Variants in TGFA observed in about 807,000 individuals in gnomAD.
The protein encoded by TGFA is protransforming growth factor alpha.
In TGFA, 12 loss-of-function variants were observed where a neutral mutation model predicts 21.7. That is an observed-to-expected ratio of 0.55 (90% CI 0.35 to 0.90). The LOEUF (loss-of-function observed/expected upper bound fraction) is 0.90, where lower values mean the gene tolerates loss of function less well. Ranked by LOEUF, TGFA falls within the 40% of genes least tolerant of loss-of-function variation. The probability of loss-of-function intolerance (pLI) is 0.01; values close to 1 mark genes in which losing one functional copy is unlikely to be tolerated. For missense variants in TGFA, 178 were observed against 210.8 expected (o/e 0.84, Z 0.96); for synonymous variants, 79 against 88.1 (o/e 0.90, Z 0.58).
At chr2:70,523,906 T>A (rs781921443) in intron 1 of TGFA, among the ~76,000 whole-genome samples, 5 of 152,198 alleles carry the variant, frequency 3.3e-5, no homozygotes, top group Admixed American at 1.3e-4. Flanking sequence ...TGCAGCTATG[T>A]TAACAGAGAA....
intron 3 of TGFA, among the ~76,000 whole-genome samples, chr2:70,462,982 A>T (rs1553491652): frequency 1.3e-5 from 2 of 152,036 alleles, no homozygotes; most frequent in South Asian, 4.2e-4. Flanking sequence ...TGCAGGGGGA[A>T]AATGCCTGGA....
chr2:70,521,543 T>C (rs576264495), intron 1 of TGFA, among the ~76,000 whole-genome samples: 6 of 151,836 alleles, frequency 4.0e-5, no homozygotes, highest in Non-Finnish European at 7.4e-5. Flanking sequence ...ATGTGGTATA[T>C]TGAGTGACAC....
intron 2 of TGFA, among the ~76,000 whole-genome samples, chr2:70,497,478 G>A (rs1553498517): frequency 6.6e-6 from 1 of 152,160 alleles, no homozygotes; most frequent in African/African-American, 2.4e-5. Flanking sequence ...ATAATGAAAA[G>A]CACTTTCTTC....
At position 70,553,741 on chromosome 2, in the gene TGFA, G is replaced by A; in HGVS notation, c.27C>T (p.Ala9=). 7.6e-7 allele frequency: 1 copy of A among 1,323,500 alleles called. No homozygotes were observed. The highest frequency in any genetic ancestry group is 9.7e-7 in the Non-Finnish European group (1 of 1,031,504). The allele number at this position is 1,323,500 out of a possible 1,614,324, so 82.0% of individuals were successfully genotyped here. The change falls in exon 1 of 6, where the codon GCC becomes GCT. Residue 9 remains alanine, a synonymous_variant. Coordinates refer to ENST00000295400, the MANE Select transcript of TGFA (RefSeq NM_003236.4). ...CGGCGTACGTACCCAGAGCGAACAGGGCGAGCTGTCCAGCCGAGGGGACCA... is the reference window on the plus strand; with the variant it reads ...CGGCGTACGTACCCAGAGCGAACAGAGCGAGCTGTCCAGCCGAGGGGACCA... The part of the protein sequence containing the change: MVPSAGQL[A]LFALGIVLAA...
At chr2:70,521,748 G>A (rs1231952697) in intron 1 of TGFA, among the ~76,000 whole-genome samples, 1 of 150,722 alleles carries the variant, frequency 6.6e-6, no homozygotes, top group African/African-American at 2.4e-5. Context: ...CCGAGTAGCT[G>A]GGACCACAGG....
chr2:70,528,690 T>C (rs1315135196), intron 1 of TGFA, among the ~76,000 whole-genome samples: 1 of 152,230 alleles, frequency 6.6e-6, no homozygotes, highest in Non-Finnish European at 1.5e-5. Flanking sequence ...TTAGGCGCTC[T>C]GGCTCTCAGC....
chr2:70,523,063 A>G (rs370077931), intron 1 of TGFA, among the ~76,000 whole-genome samples: 1 of 152,356 alleles, frequency 6.6e-6, no homozygotes, highest in Admixed American at 6.5e-5. Flanking sequence ...TGAAAAATCC[A>G]TGAGGAATGA....
chr2:70,453,018 G>C (rs1234849404), intron 5 of TGFA, among the ~76,000 whole-genome samples, 200 bp downstream of exon 5: 1 of 152,202 alleles, frequency 6.6e-6, no homozygotes. Flanking sequence ...AGGTCCCACA[G>C]CCACCAGCCA....
intron 1 of TGFA, among the ~76,000 whole-genome samples, chr2:70,547,401 C>T (rs1359679971): frequency 2.0e-5 from 3 of 151,974 alleles, no homozygotes; most frequent in Non-Finnish European, 2.9e-5. Context: ...CAAGACCAGC[C>T]TGGCCAACAA....
chr2:70,514,757 C>G, intron 2 of TGFA, 102 bp downstream of exon 2: 1 of 1,256,296 alleles, frequency 8.0e-7, no homozygotes, highest in Non-Finnish European at 1.1e-6. Context: ...GGCGTGTGCT[C>G]GGTGGGCAGG....
intron 2 of TGFA, among the ~76,000 whole-genome samples, chr2:70,504,469 C>CATATATATATATATATATATATATAT (rs1230209696): frequency 1.1e-4 from 9 of 80,646 alleles, no homozygotes; most frequent in Non-Finnish European, 1.6e-4. Context: ...TATATACACA[C>CATATATATATATATATATATATATAT]ATACATACAT....
At chr2:70,475,265 T>C (rs1190400562) in intron 2 of TGFA, among the ~76,000 whole-genome samples, 2 of 152,198 alleles carry the variant, frequency 1.3e-5, no homozygotes, top group East Asian at 3.8e-4. Context: ...GCAGCTACTA[T>C]TGGATTGTCC....
intron 1 of TGFA, among the ~76,000 whole-genome samples, chr2:70,543,167 AAAAC>A (rs1398527710): frequency 1.3e-5 from 2 of 152,204 alleles, no homozygotes; most frequent in Non-Finnish European, 2.9e-5. Context: ...ATCATCAAGA[AAAAC>A]AAACTTTAAA....
At chr2:70,497,615 T>TA (rs1488848948) in intron 2 of TGFA, among the ~76,000 whole-genome samples, 2 of 152,130 alleles carry the variant, frequency 1.3e-5, no homozygotes, top group African/African-American at 4.8e-5. Context: ...AACTTCTGAT[T>TA]AAGAACCAGC....
chr2:70,526,474 G>C (rs1672638893), intron 1 of TGFA, among the ~76,000 whole-genome samples: 1 of 152,178 alleles, frequency 6.6e-6, no homozygotes, highest in African/African-American at 2.4e-5. Flanking sequence ...GTGTAGCAAA[G>C]CTGTTCAGTT....
At chr2:70,542,727 G>A (rs1673169756) in intron 1 of TGFA, among the ~76,000 whole-genome samples, 1 of 152,192 alleles carries the variant, frequency 6.6e-6, no homozygotes, top group Non-Finnish European at 1.5e-5. Flanking sequence ...CAAATCAGAA[G>A]TGGCATTGCT....
intron 2 of TGFA, among the ~76,000 whole-genome samples, chr2:70,487,420 A>T (rs1163508266): frequency 6.6e-6 from 1 of 152,182 alleles, no homozygotes; most frequent in African/African-American, 2.4e-5. Flanking sequence ...TATCCTGGGG[A>T]TGGGACCCAA....
At chr2:70,495,008 C>A (rs1553498149) in intron 2 of TGFA, among the ~76,000 whole-genome samples, 1 of 152,180 alleles carries the variant, frequency 6.6e-6, no homozygotes, top group East Asian at 1.9e-4. Context: ...TCTGATTAGA[C>A]CTCCTTTTGT....
intron 5 of TGFA, among the ~76,000 whole-genome samples, chr2:70,452,900 G>A (rs1265078580): frequency 6.6e-6 from 1 of 152,084 alleles, no homozygotes; most frequent in African/African-American, 2.4e-5. Context: ...CCGAGATCAC[G>A]CCATTGCACT....
Sources: gnomAD v4.1 joint callset for allele counts (sites outside exome capture counted in the v4.1 genomes callset) on GRCh38, gnomAD v4.1.1 for gene constraint, MANE v1.5 for transcripts, NCBI Gene and HGNC (gene_info 2026-07-23, HGNC 2026-07-21) for gene names.